KCNN3: variants seen among roughly 807,000 people sequenced by gnomAD.
KCNN3 encodes the protein potassium calcium-activated channel subfamily N member 3.
In KCNN3, 16 loss-of-function variants were observed where a neutral mutation model predicts 62.9. That is an observed-to-expected ratio of 0.25 (90% CI 0.17 to 0.39). The LOEUF (loss-of-function observed/expected upper bound fraction) is 0.39, where lower values mean the gene tolerates loss of function less well. Ranked by LOEUF, KCNN3 falls within the 10% of genes least tolerant of loss-of-function variation. KCNN3 has a pLI of 1.00. For synonymous variants in KCNN3, 370 were observed against 389.2 expected (o/e 0.95, Z 0.58); for missense variants, 599 against 949.4 (o/e 0.63, Z 4.85).
intron 2 of KCNN3, among the ~76,000 whole-genome samples, chr1:154,794,169 C>T (rs1449874483): frequency 6.6e-6 from 1 of 152,252 alleles, no homozygotes; most frequent in African/African-American, 2.4e-5. Flanking sequence ...TATTCATCCT[C>T]TGACTGGATC....
intron 2 of KCNN3, among the ~76,000 whole-genome samples, chr1:154,793,599 T>C (rs1186459731): frequency 6.6e-6 from 1 of 152,170 alleles, no homozygotes; most frequent in African/African-American, 2.4e-5. Context: ...TTTTAAAAAC[T>C]CCAACAAATC....
chr1:154,823,891 C>T (rs1651002191), intron 1 of KCNN3, among the ~76,000 whole-genome samples: 1 of 152,146 alleles, frequency 6.6e-6, no homozygotes, highest in African/African-American at 2.4e-5. Context: ...TCCAAGTGCC[C>T]AGGTCCATGC....
At position 154,702,948 on chromosome 1, in the gene KCNN3, C is replaced by T. The variant is rs910140848; in HGVS notation, c.*5028G>A. ...GTGTGTAAACAACTGTCACAGGGCACTTGGCACCTAGATTTGGAGGTCATA... is the reference window on the plus strand; with the variant it reads ...GTGTGTAAACAACTGTCACAGGGCATTTGGCACCTAGATTTGGAGGTCATA... On this transcript the variant is annotated 3_prime_UTR_variant, in exon 8 of 8. Transcript: ENST00000271915. 5 of 151,344 alleles carry T rather than the reference C, an allele frequency of 3.3e-5. No individual in the cohort carries two copies. The highest frequency in any genetic ancestry group is 5.9e-5 in the Non-Finnish European group (4 of 67,928). The allele number at this position is 151,344 out of a possible 1,614,324, so 9.4% of individuals were successfully genotyped here.
At chr1:154,860,591 C>A (rs1218584) in intron 1 of KCNN3, among the ~76,000 whole-genome samples, 1 of 152,102 alleles carries the variant, frequency 6.6e-6, no homozygotes, top group Admixed American at 6.5e-5. Flanking sequence ...TTTACTCACA[C>A]AGATTCACCC....
intron 1 of KCNN3, among the ~76,000 whole-genome samples, chr1:154,826,959 G>T (rs1400604550): frequency 6.6e-6 from 1 of 152,182 alleles, no homozygotes; most frequent in Non-Finnish European, 1.5e-5. Context: ...AAGAGTATAT[G>T]TGTATGGTTG....
chr1:154,742,308 ACACACTGG>A (rs1473763591), intron 3 of KCNN3, among the ~76,000 whole-genome samples: 1 of 152,152 alleles, frequency 6.6e-6, no homozygotes, highest in Non-Finnish European at 1.5e-5. Context: ...CCTACTGCCC[ACACACTGG>A]CTTGCAGAAA....
intron 3 of KCNN3, among the ~76,000 whole-genome samples, chr1:154,748,797 C>A (rs1557955514): frequency 6.6e-6 from 1 of 152,128 alleles, no homozygotes; most frequent in East Asian, 1.9e-4. Context: ...GCTGTCTCTA[C>A]AAAAAATGAA....
intron 2 of KCNN3, among the ~76,000 whole-genome samples, chr1:154,789,056 T>C (rs1468753280): frequency 6.6e-6 from 1 of 152,160 alleles, no homozygotes; most frequent in Non-Finnish European, 1.5e-5. Flanking sequence ...GCCAGATGTG[T>C]GGAATCAGTT....
At chr1:154,807,630 A>AT (rs1650235538) in intron 2 of KCNN3, among the ~76,000 whole-genome samples, 1 of 152,160 alleles carries the variant, frequency 6.6e-6, no homozygotes, top group African/African-American at 2.4e-5. Flanking sequence ...AGAAGAGTGT[A>AT]TTTTTAGGCA....
At chr1:154,824,236 T>C (rs6681392) in intron 1 of KCNN3, among the ~76,000 whole-genome samples, 39,962 of 142,552 alleles carry the variant, frequency 0.28, 7,362 homozygotes, top group African/African-American at 0.55. Flanking sequence ...ATGCATAAGA[T>C]GATCTACACA....
chr1:154,772,034 C>T lies in KCNN3; in HGVS notation c.1389G>A (p.Leu463=), dbSNP rs534181337. ...TCCACAGAGAGATGCTGAACACGAG[C>T]AGCACAGTGCCAGGGCAGATGGTCA... ...TLMTICPGTV[L]LVFSISLWII... Residue 463 remains leucine, a synonymous_variant, in exon 3 of 8, where the codon CTG becomes CTA. Coordinates refer to ENST00000271915, the MANE Select transcript of KCNN3 (RefSeq NM_002249.6). This position sits in a 1 kb window ranked among gnomAD's most constrained non-coding sequence, Gnocchi z 5.6. The T allele has an allele frequency of 1.1e-4, 173 of 1,614,188 alleles. 1 individual carries two copies. In the South Asian group the frequency reaches 1.7e-3, roughly 16 times the overall value.
At chr1:154,811,065 G>A (rs186586353) in intron 2 of KCNN3, among the ~76,000 whole-genome samples, 27 of 152,310 alleles carry the variant, frequency 1.8e-4, no homozygotes, top group Admixed American at 1.2e-3. Context: ...TAAAGTAAAG[G>A]CACAGTCTCC....
At chr1:154,773,008 T>C (rs1029355521) in intron 2 of KCNN3, among the ~76,000 whole-genome samples, 1 of 152,226 alleles carries the variant, frequency 6.6e-6, no homozygotes, top group African/African-American at 2.4e-5. Flanking sequence ...TGTTTTGTTT[T>C]GTTTTTTTAA....
In KCNN3 at chr1:154,772,071, A is replaced by G; in HGVS notation, c.1352T>C (p.Met451Thr). The G allele has an allele frequency of 6.2e-7, 1 of 1,614,200 alleles. No individual in the cohort carries two copies. The highest frequency in any genetic ancestry group is 8.5e-7 in the Non-Finnish European group (1 of 1,180,038). The change falls in exon 3 of 8, where the codon ATG becomes ACG. Residue 451 changes from methionine to threonine, a missense_variant. Physicochemically the swap from Met to Thr is moderately conservative, Grantham distance 81. Coordinates refer to ENST00000271915, the MANE Select transcript of KCNN3 (RefSeq NM_002249.6). The surrounding 1 kb of genome is among the most constrained non-coding windows in gnomAD (Gnocchi z 5.6). The part of the protein sequence containing the change: ...NKINFNTRFV[M>T]KTLMTICPGT... ...AGGGCAGATGGTCATGAGCGTCTTCATGACAAAGCGGGTGTTGAAGTTGAT... is the reference window on the plus strand; with the variant it reads ...AGGGCAGATGGTCATGAGCGTCTTCGTGACAAAGCGGGTGTTGAAGTTGAT...
intron 3 of KCNN3, among the ~76,000 whole-genome samples, chr1:154,766,952 A>G (rs868349238): frequency 1.3e-5 from 2 of 152,048 alleles, no homozygotes; most frequent in South Asian, 2.1e-4. Flanking sequence ...AAGTGCTGGG[A>G]TTACAGGCGT....
At chr1:154,757,173 A>G (rs1193558456) in intron 3 of KCNN3, among the ~76,000 whole-genome samples, 1 of 152,248 alleles carries the variant, frequency 6.6e-6, no homozygotes, top group Non-Finnish European at 1.5e-5. Context: ...AGAGATCTCA[A>G]CTTCAGTGCT....
chr1:154,804,356 G>A (rs1308051976), intron 2 of KCNN3, among the ~76,000 whole-genome samples: 8 of 152,224 alleles, frequency 5.3e-5, no homozygotes, highest in African/African-American at 1.4e-4. Flanking sequence ...AGGACAAAAC[G>A]CACTAAGAGT....
At chr1:154,824,846 C>G (rs1651041767) in intron 1 of KCNN3, among the ~76,000 whole-genome samples, 1 of 152,160 alleles carries the variant, frequency 6.6e-6, no homozygotes, top group East Asian at 1.9e-4. Context: ...CAGGCAACTC[C>G]CACCTGCTTC....
chr1:154,745,142 C>A (rs949433790), intron 3 of KCNN3, among the ~76,000 whole-genome samples: 2 of 152,158 alleles, frequency 1.3e-5, no homozygotes, highest in Non-Finnish European at 2.9e-5. Flanking sequence ...AGGAAAATAA[C>A]GACGTTTTCC....
Sources: allele counts gnomAD v4.1 joint callset (sites outside exome capture counted in the v4.1 genomes callset), GRCh38; gene constraint gnomAD v4.1.1; non-coding constraint Gnocchi (gnomAD v3.1); transcripts MANE v1.5; gene names NCBI Gene and HGNC (gene_info 2026-07-23, HGNC 2026-07-21).